Variants in PAPSS2 observed in about 807,000 individuals in gnomAD.
PAPSS2 encodes the protein 3'-phosphoadenosine 5'-phosphosulfate synthase 2.
A neutral mutation model predicts 66.5 loss-of-function variants in PAPSS2; 61 were observed. The observed-to-expected ratio is 0.92, with a 90% CI of 0.75 to 1.14. The LOEUF is 1.14. Among genes scored for constraint, PAPSS2 ranks in the 50% most tolerant of loss-of-function variants. PAPSS2 has a pLI of 0.00. For synonymous variants in PAPSS2, 289 were observed against 287.5 expected, an observed-to-expected ratio of 1.01 and a Z score of -0.05; for missense variants, 708 against 789.6, an observed-to-expected ratio of 0.90 and a Z score of 1.24.
Position 87,745,112 on chromosome 10 carries a change from C to T in PAPSS2, c.1602C>T (p.Pro534=), listed in dbSNP as rs764414580. 15 of 1,614,174 alleles carry T rather than the reference C, an allele frequency of 9.3e-6. No individual in the cohort carries two copies. In the South Asian group the frequency reaches 1.5e-4, roughly 17 times the overall value. The part of the protein sequence containing the change: ...HPETKKDLYE[P]THGGKVLSMA... ...AAACCAAGAAGGATCTGTATGAACC[C>T]ACTCATGGGGGCAAGGTCTTGAGCA... Residue 534 remains proline, a synonymous_variant, in exon 12 of 13, where the codon CCC becomes CCT. Coordinates refer to ENST00000456849, the MANE Select transcript of PAPSS2 (RefSeq NM_001015880.2).
chr10:87,724,978 G>A (rs1286525791), intron 8 of PAPSS2, among the ~76,000 whole-genome samples: 3 of 151,678 alleles, frequency 2.0e-5, no homozygotes, highest in Non-Finnish European at 4.4e-5. Flanking sequence ...GAAGACCTGC[G>A]GTTCAAGTCC....
chr10:87,740,559 G>T (rs1432964394), intron 9 of PAPSS2, among the ~76,000 whole-genome samples: 1 of 152,192 alleles, frequency 6.6e-6, no homozygotes, highest in Non-Finnish European at 1.5e-5. Context: ...ATGTAACAGA[G>T]TATGAGAAGT....
intron 9 of PAPSS2, among the ~76,000 whole-genome samples, chr10:87,728,241 T>C (rs1001666237): frequency 6.6e-6 from 1 of 152,114 alleles, no homozygotes; most frequent in African/African-American, 2.4e-5. Context: ...AATTGAATGG[T>C]AAAACCATCC....
At chr10:87,684,894 T>G (rs547346763) in intron 1 of PAPSS2, among the ~76,000 whole-genome samples, 1 of 152,314 alleles carries the variant, frequency 6.6e-6, no homozygotes, top group South Asian at 2.1e-4. Context: ...TATGCCTCAG[T>G]GTCTGACTGA....
intron 1 of PAPSS2, among the ~76,000 whole-genome samples, chr10:87,683,436 C>T (rs1441852538): frequency 1.3e-5 from 2 of 152,140 alleles, no homozygotes; most frequent in African/African-American, 4.8e-5. Context: ...AAAATGAGTT[C>T]AACAATGTGG....
chr10:87,707,544 A>C (rs1021159509), intron 1 of PAPSS2, among the ~76,000 whole-genome samples: 23 of 143,246 alleles, frequency 1.6e-4, no homozygotes, highest in Non-Finnish European at 1.5e-4. Flanking sequence ...AAAAGAGGTG[A>C]GTTTTCATTT....
chr10:87,674,547 A>G (rs1345617406), intron 1 of PAPSS2, among the ~76,000 whole-genome samples: 1 of 152,186 alleles, frequency 6.6e-6, no homozygotes, highest in African/African-American at 2.4e-5. Flanking sequence ...CAGCAATATT[A>G]GCAATACTTG....
At chr10:87,734,661 GTGTATATATATATATATATATATATATA>G (rs1853771312) in intron 9 of PAPSS2, among the ~76,000 whole-genome samples, 3 of 90,378 alleles carry the variant, frequency 3.3e-5, no homozygotes, top group East Asian at 7.6e-4. Flanking sequence ...ATGAATGTGT[GTGTATATATATATATATATATATATATA>G]TATATATATA....
chr10:87,743,647 C>A lies in PAPSS2; in HGVS notation c.1491+6C>A. On this transcript the variant is annotated splice_donor_region_variant and intron_variant, in intron 11 of 12. Transcript: ENST00000456849. ...TATATGCTGGCCCCACAGAGGTGAG[C>A]AATTCCCAGAGCTGGGCTTTGAGAC... The A allele has an allele frequency of 6.2e-7, 1 of 1,614,154 alleles. No homozygotes were observed. Among genetic ancestry groups the A allele is most frequent in the South Asian group, 1.1e-5 (1 of 91,086 alleles).
At chr10:87,710,789 T>A (rs1711532550) in intron 2 of PAPSS2, among the ~76,000 whole-genome samples, 1 of 152,122 alleles carries the variant, frequency 6.6e-6, no homozygotes, top group Non-Finnish European at 1.5e-5. Flanking sequence ...TCACCTGACA[T>A]CAGGAGTTCA....
chr10:87,739,395 CTTTT>C, intron 9 of PAPSS2, among the ~76,000 whole-genome samples: 1 of 152,252 alleles, frequency 6.6e-6, no homozygotes, highest in African/African-American at 2.4e-5. Flanking sequence ...TGGAGATTTC[CTTTT>C]GTTTTAAAAT....
At chr10:87,723,618 G>T (rs1853623105) in intron 8 of PAPSS2, among the ~76,000 whole-genome samples, 1 of 152,146 alleles carries the variant, frequency 6.6e-6, no homozygotes, top group Non-Finnish European at 1.5e-5. Flanking sequence ...GGTTTATAAA[G>T]GGTCTCAAAG....
At chr10:87,696,418 C>T (rs188095419) in intron 1 of PAPSS2, among the ~76,000 whole-genome samples, 1 of 152,326 alleles carries the variant, frequency 6.6e-6, no homozygotes, top group East Asian at 1.9e-4. Context: ...AAATTAATCT[C>T]ACCTCCACTT....
chr10:87,714,911 A>C (rs1462482267), intron 5 of PAPSS2, 48 bp downstream of exon 5: 14 of 1,443,402 alleles, frequency 9.7e-6, no homozygotes, highest in African/African-American at 1.4e-5. Context: ...AAATCATGAA[A>C]GACAATCTAT....
chr10:87,741,298 T>A lies in PAPSS2; in HGVS notation c.1150T>A (p.Trp384Arg), dbSNP rs765175969. The A allele has an allele frequency of 3.1e-6, 5 of 1,613,556 alleles. No individual in the cohort carries two copies. In the East Asian group the frequency reaches 1.1e-4, roughly 36 times the overall value. The change falls in exon 10 of 13, where the codon TGG becomes AGG. Residue 384 changes from tryptophan (W) to arginine (R), a missense_variant. Transcript: ENST00000456849. Reference sequence around the variant, plus strand: ...CCTTCAGGTGCTGGAGAAAATAAGATGGAATGATGGGCTGGACCAATACCG... The same window carrying A: ...CCTTCAGGTGCTGGAGAAAATAAGAAGGAATGATGGGCTGGACCAATACCG... ...GDLQVLEKIR[W>R]NDGLDQYRLT... is the part of the protein sequence containing the mutation.
chr10:87,720,753 C>A (rs368454971), intron 7 of PAPSS2, among the ~76,000 whole-genome samples: 9 of 151,670 alleles, frequency 5.9e-5, no homozygotes, highest in Non-Finnish European at 1.0e-4. Context: ...CAAAAAAAAA[C>A]CCCAAAACAA....
intron 1 of PAPSS2, 69 bp from the exon 2 acceptor site, chr10:87,709,127 A>T: frequency 1.0e-6 from 1 of 998,818 alleles, no homozygotes; most frequent in Non-Finnish European, 1.6e-6. Context: ...AGATGGATTT[A>T]TATTGGCTCC....
At chr10:87,691,688 A>C (rs999988170) in intron 1 of PAPSS2, among the ~76,000 whole-genome samples, 1 of 152,194 alleles carries the variant, frequency 6.6e-6, no homozygotes. Context: ...GAAGTTGCTC[A>C]GTCTGTCTGT....
chr10:87,727,752 C>G (rs1033700400), intron 9 of PAPSS2, among the ~76,000 whole-genome samples: 1 of 152,070 alleles, frequency 6.6e-6, no homozygotes, highest in African/African-American at 2.4e-5. Flanking sequence ...TAAATGGGAC[C>G]AGATAAGAAA....
Sources: allele counts gnomAD v4.1 joint callset (sites outside exome capture counted in the v4.1 genomes callset), GRCh38; gene constraint gnomAD v4.1.1; transcripts MANE v1.5; gene names NCBI Gene and HGNC (gene_info 2026-07-23, HGNC 2026-07-21).